Variants in POLN observed in about 807,000 individuals in gnomAD.
POLN encodes DNA polymerase nu, also known as DNA polymerase N.
POLN carries 108 observed loss-of-function variants against 113.5 expected under a neutral mutation model. That is an observed-to-expected ratio of 0.95 (90% CI 0.81 to 1.12). The LOEUF (loss-of-function observed/expected upper bound fraction) is 1.12. Among genes scored for constraint, POLN ranks in the 50% most tolerant of loss-of-function variants. The pLI is 0.00. For missense variants in POLN, 1,097 were observed against 1,077.1 expected (o/e 1.02, Z -0.26); for synonymous variants, 386 against 391.5 (o/e 0.99, Z 0.17).
chr4:2,207,934 G>A, intron 5 of POLN, 53 bp downstream of exon 5: 1 of 1,508,796 alleles, frequency 6.6e-7, no homozygotes, highest in South Asian at 1.4e-5. Context: ...CTAAGAAAAT[G>A]GGCTTCTTTT....
chr4:2,141,532 T>C (rs900888835), intron 16 of POLN, among the ~76,000 whole-genome samples: 1 of 152,162 alleles, frequency 6.6e-6, no homozygotes, highest in African/African-American at 2.4e-5. Context: ...GTTGGTGAAG[T>C]GTTCATGAAG....
At chr4:2,193,690 C>T (rs914913395) in intron 6 of POLN, among the ~76,000 whole-genome samples, 1 of 152,196 alleles carries the variant, frequency 6.6e-6, no homozygotes, top group African/African-American at 2.4e-5. Context: ...TCTACCCTCT[C>T]GTCGCACTAA....
intron 8 of POLN, 133 bp from the exon 9 acceptor site, chr4:2,176,467 T>A: frequency 3.1e-6 from 2 of 645,734 alleles, no homozygotes; most frequent in Non-Finnish European, 5.1e-6. Flanking sequence ...AGATGTCATG[T>A]ACGTGGTAGT....
intron 19 of POLN, among the ~76,000 whole-genome samples, chr4:2,099,038 T>C (rs1175143805): frequency 3.9e-5 from 6 of 152,134 alleles, no homozygotes; most frequent in Non-Finnish European, 4.4e-5. Flanking sequence ...AAAAAATAAA[T>C]TGTATTATAG....
chr4:2,083,188 T>G (rs1319187061), intron 21 of POLN, among the ~76,000 whole-genome samples: 1 of 152,170 alleles, frequency 6.6e-6, no homozygotes, highest in Non-Finnish European at 1.5e-5. Context: ...GGGAACTCCT[T>G]GAAGATTTAC....
At chr4:2,200,654 A>G (rs752038353) in intron 5 of POLN, among the ~76,000 whole-genome samples, 9 of 152,182 alleles carry the variant, frequency 5.9e-5, no homozygotes, top group Admixed American at 2.0e-4. Context: ...CCACATCCCT[A>G]GGAAAATGGG....
At chr4:2,137,232 T>A (rs1382946578) in intron 16 of POLN, among the ~76,000 whole-genome samples, 1 of 152,244 alleles carries the variant, frequency 6.6e-6, no homozygotes, top group African/African-American at 2.4e-5. Flanking sequence ...TTTCCATAAG[T>A]TAAGTAACTT....
intron 19 of POLN, among the ~76,000 whole-genome samples, chr4:2,105,239 C>T (rs1293924709): frequency 2.0e-5 from 3 of 152,138 alleles, no homozygotes; most frequent in Admixed American, 2.0e-4. Context: ...TCATCACTTC[C>T]ACCTCCTAAT....
At chr4:2,197,996 C>T (rs1560090620) in intron 6 of POLN, among the ~76,000 whole-genome samples, 2 of 152,166 alleles carry the variant, frequency 1.3e-5, no homozygotes, top group Admixed American at 6.5e-5. Context: ...CCAGAAGGGA[C>T]GGCAGGAGCA....
At chr4:2,201,909 T>C (rs1444349123) in intron 5 of POLN, among the ~76,000 whole-genome samples, 1 of 152,134 alleles carries the variant, frequency 6.6e-6, no homozygotes, top group Non-Finnish European at 1.5e-5. Flanking sequence ...AAAACAATTG[T>C]ATCCAACGAA....
chr4:2,094,793 G>A (rs1044946668), intron 20 of POLN, among the ~76,000 whole-genome samples: 15 of 152,100 alleles, frequency 9.9e-5, no homozygotes, highest in African/African-American at 2.4e-4. Context: ...CTTGTTCAAC[G>A]GCACCACATT....
intron 4 of POLN, among the ~76,000 whole-genome samples, chr4:2,212,365 T>A (rs1292766511): frequency 6.6e-6 from 1 of 152,050 alleles, no homozygotes; most frequent in Non-Finnish European, 1.5e-5. Flanking sequence ...AAGGTGGGGA[T>A]CTTTTTATTT....
intron 16 of POLN, among the ~76,000 whole-genome samples, chr4:2,149,237 T>C (rs979122293): frequency 6.6e-6 from 1 of 152,142 alleles, no homozygotes; most frequent in African/African-American, 2.4e-5. Flanking sequence ...GAAGTTGCCA[T>C]GAGCTGAGAT....
At chr4:2,150,692 T>C (rs533252377) in intron 16 of POLN, among the ~76,000 whole-genome samples, 3 of 152,286 alleles carry the variant, frequency 2.0e-5, no homozygotes, top group South Asian at 4.1e-4. Flanking sequence ...CTTATATTGA[T>C]AGTAAATGTA....
chr4:2,232,125 T>C (rs2031728), intron 2 of POLN: 17,974 of 1,582,744 alleles, frequency 0.011, 180 homozygotes, highest in Non-Finnish European at 0.012. Flanking sequence ...GCTTATTCAG[T>C]TGAGATTCAA....
At chr4:2,146,503 T>TCAA (rs968298885) in intron 16 of POLN, among the ~76,000 whole-genome samples, 1 of 152,134 alleles carries the variant, frequency 6.6e-6, no homozygotes, top group Non-Finnish European at 1.5e-5. Flanking sequence ...AAACTCCATC[T>TCAA]CAACAACAAC....
At chr4:2,081,078 G>T in intron 22 of POLN, 42 bp from the exon 23 acceptor site, 1 of 1,612,596 alleles carries the variant, frequency 6.2e-7, no homozygotes, top group South Asian at 1.1e-5. Flanking sequence ...CATGGCACAC[G>T]GTTCATGGTG....
At chr4:2,146,889 T>A (rs1052105852) in intron 16 of POLN, among the ~76,000 whole-genome samples, 22 of 152,122 alleles carry the variant, frequency 1.4e-4, no homozygotes, top group African/African-American at 5.3e-4. Flanking sequence ...AAAATGTTAA[T>A]TTGGCTCCAT....
intron 19 of POLN, among the ~76,000 whole-genome samples, chr4:2,099,228 C>T (rs146353117): frequency 2.3e-3 from 353 of 152,306 alleles, no homozygotes; most frequent in African/African-American, 8.1e-3. Flanking sequence ...AGAGGCTATG[C>T]TTAGTGACTT....
Sources: gnomAD v4.1 joint callset for allele counts (sites outside exome capture counted in the v4.1 genomes callset) on GRCh38, gnomAD v4.1.1 for gene constraint, MANE v1.5 for transcripts, NCBI Gene and HGNC (gene_info 2026-07-23, HGNC 2026-07-21) for gene names.